Variants in FHAD1 observed in about 807,000 individuals in gnomAD.
FHAD1 encodes forkhead associated phosphopeptide binding domain 1, also known as forkhead-associated domain-containing protein 1.
FHAD1 carries 146 observed loss-of-function variants against 191.3 expected under a neutral mutation model. The observed-to-expected ratio is 0.76, with a 90% confidence interval of 0.67 to 0.88. The LOEUF is 0.88. Ranked by LOEUF, FHAD1 falls within the 40% of genes least tolerant of loss-of-function variation. The pLI, the probability that FHAD1 is intolerant of heterozygous loss-of-function variation, is 0.00. For missense variants in FHAD1, 1,635 were observed against 1,785.8 expected (o/e 0.92, Z 1.52); for synonymous variants, 616 against 672.3 (o/e 0.92, Z 1.29).
chr1:15,345,349 G>C, intron 17 of FHAD1, 67 bp from the exon 18 acceptor site: 1 of 1,431,688 alleles, frequency 7.0e-7, no homozygotes, highest in Non-Finnish European at 9.6e-7. Flanking sequence ...AAACCTGTGC[G>C]GTGCCTGGCA....
At position 15,345,431 on chromosome 1, in the gene FHAD1, A is replaced by G. The variant is rs759989741; in HGVS notation, c.2254A>G (p.Ile752Val). ...GTTGACTCAGGCTTTGGCGAAAAGC[A>G]TTACCCAGGAGAAGAACAGAGTGAA... is the stretch of plus-strand genomic sequence containing the variant. The part of the protein sequence containing the change: ...AQQKKALAKS[I>V]TQEKNRVKEA... Residue 752 changes from isoleucine (I) to valine (V), a missense_variant, in exon 18 of 34, where the codon ATT (isoleucine) becomes GTT (valine). Transcript: ENST00000688493. 4 of 1,552,372 alleles carry G rather than the reference A, an allele frequency of 2.6e-6. No homozygotes were observed. Among genetic ancestry groups the G allele is most frequent in the African/African-American group, 2.7e-5 (2 of 73,178 alleles).
At chr1:15,314,291 T>A (rs942224720) in intron 8 of FHAD1, among the ~76,000 whole-genome samples, 1 of 152,120 alleles carries the variant, frequency 6.6e-6, no homozygotes, top group African/African-American at 2.4e-5. Context: ...GGTCCAAGGA[T>A]GAAGCAGCAG....
chr1:15,247,009 T>TCTC (rs145211252), upstream of FHAD1, among the ~76,000 whole-genome samples: 1,109 of 152,236 alleles, frequency 7.3e-3, 14 homozygotes, highest in African/African-American at 0.026. Flanking sequence ...TTGAATCAAA[T>TCTC]CTCCTCCCTG....
chr1:15,362,123 G>A (rs115493659), intron 22 of FHAD1, among the ~76,000 whole-genome samples: 114 of 152,298 alleles, frequency 7.5e-4, no homozygotes, highest in African/African-American at 2.5e-3. Flanking sequence ...TGTCACCCCC[G>A]TACTTAGACC....
At position 15,322,552 on chromosome 1, in the gene FHAD1, C is replaced by T. The variant is rs116736180; in HGVS notation, c.1366-1900C>T. On this transcript the variant is annotated intron_variant, in intron 10 of 33. Coordinates refer to ENST00000688493, the MANE Select transcript of FHAD1 (RefSeq NM_001391957.1). Reference sequence around the variant, plus strand: ...GTTACTGTGGCATAGCCACTAGCCACGTGTGGCCATTTAGGTGAAATTAAA... The same window carrying T: ...GTTACTGTGGCATAGCCACTAGCCATGTGTGGCCATTTAGGTGAAATTAAA... Among the ~76,000 whole-genome samples the T allele has an allele frequency of 7.5e-3, 1,136 of 152,304 alleles. 17 individuals carry two copies. Among genetic ancestry groups the T allele is most frequent in the African/African-American group, 0.026 (1,088 of 41,548 alleles).
chr1:15,314,778 G>A lies in FHAD1; in HGVS notation c.1170+1591G>A, dbSNP rs1160979837. On this transcript the variant is annotated intron_variant, in intron 8 of 33. Transcript: ENST00000688493. ...GTGTGGGGGTGTATGGGTGTGTGGG[G>A]GTATGGATGTGTGGTGTGGGGGTGA... Among the ~76,000 whole-genome samples, 3 of 113,340 alleles carry A rather than the reference G, an allele frequency of 2.6e-5. No individual in the cohort carries two copies. The Admixed American group carries it at 2.8e-4, about 11-fold the overall frequency. The allele number at this position is 113,340 out of a possible 152,430, so 74.4% of individuals were successfully genotyped here. A position where few individuals can be genotyped will look rare whatever the true frequency, so the allele number is the denominator to read the frequency against.
chr1:15,274,842 CCA>C (rs1657633250), intron 3 of FHAD1, among the ~76,000 whole-genome samples: 1 of 152,178 alleles, frequency 6.6e-6, no homozygotes, highest in African/African-American at 2.4e-5. Flanking sequence ...TTGCCCAGGA[CCA>C]CACAGCTAGT....
intron 31 of FHAD1, among the ~76,000 whole-genome samples, chr1:15,384,809 C>T (rs1390141049): frequency 6.6e-6 from 1 of 152,206 alleles, no homozygotes; most frequent in South Asian, 2.1e-4. Context: ...GTCAGATGCA[C>T]CCCACAGGGC....
At chr1:15,378,077 G>T (rs947949191) in intron 28 of FHAD1, among the ~76,000 whole-genome samples, 3 of 152,166 alleles carry the variant, frequency 2.0e-5, no homozygotes, top group African/African-American at 7.2e-5. Context: ...GCCGAGGCAG[G>T]CAGATCACTT....
chr1:15,246,883 A>G (rs1223662541), upstream of FHAD1, among the ~76,000 whole-genome samples: 1 of 152,000 alleles, frequency 6.6e-6, no homozygotes, highest in African/African-American at 2.4e-5. Flanking sequence ...GGCAGGGGGC[A>G]TACTAACCTC....
rs985303650 is a variant in FHAD1, at chr1:15,353,039, G to C, written c.2562+55G>C. ...GGGGCCCAGCACAGCGAAGGGCAGT[G>C]CTCTAGAGCCAGGCTCTGGGTTCAA... is the stretch of plus-strand genomic sequence containing the variant. On this transcript the variant is annotated intron_variant, in intron 20 of 33. Coordinates refer to ENST00000688493, the MANE Select transcript of FHAD1 (RefSeq NM_001391957.1). The C allele has an allele frequency of 1.6e-5, 21 of 1,325,136 alleles. No homozygotes were observed. The Middle Eastern group carries it at 6.5e-4, about 41-fold the overall frequency. 82.1% of individuals were successfully genotyped at this position (1,325,136 alleles called of 1,614,324 possible). A position where few individuals can be genotyped will look rare whatever the true frequency, so the allele number is the denominator to read the frequency against.
In FHAD1 at chr1:15,325,882, C is replaced by T. The variant is rs528497995; in HGVS notation, c.1474-1177C>T. The T allele has an allele frequency of 2.0e-4, 31 of 152,868 alleles. No homozygotes were observed. Among genetic ancestry groups the T allele is most frequent in the African/African-American group, 6.0e-4 (25 of 41,598 alleles). The allele number at this position is 152,868 out of a possible 1,614,324, so 9.5% of individuals were successfully genotyped here. A position where few individuals can be genotyped will look rare whatever the true frequency, so the allele number is the denominator to read the frequency against. ...TGTCCAATAGTCTGCCCTTCCCCAG[C>T]CAAGTGACCCCAGGCCCGAGGCCAT... On this transcript the variant is annotated intron_variant, in intron 11 of 33. Transcript: ENST00000688493. The surrounding 1 kb of genome is among the most constrained non-coding windows in gnomAD (Gnocchi z 4.6).
At chr1:15,305,665 C>T in intron 6 of FHAD1, 1 of 309,864 alleles carries the variant, frequency 3.2e-6, no homozygotes, top group Non-Finnish European at 6.5e-6. Context: ...ATTTCCTGTG[C>T]TGTTCTCGTT....
intron 2 of FHAD1, among the ~76,000 whole-genome samples, chr1:15,258,636 G>A (rs921352398): frequency 6.6e-6 from 1 of 150,424 alleles, no homozygotes; most frequent in Non-Finnish European, 1.5e-5. Flanking sequence ...CCAGGCTGGA[G>A]TGCAGTGGCA....
At chr1:15,401,982 T>C (rs1002073833), downstream of FHAD1, among the ~76,000 whole-genome samples, 3 of 152,240 alleles carry the variant, frequency 2.0e-5, no homozygotes, top group African/African-American at 7.2e-5. Flanking sequence ...AATGCCTCCG[T>C]CCAGTTGGGG....
chr1:15,350,808 G>T (rs1690596464), intron 19 of FHAD1, among the ~76,000 whole-genome samples: 1 of 152,196 alleles, frequency 6.6e-6, no homozygotes, highest in African/African-American at 2.4e-5. Context: ...GGCACAGCAG[G>T]GTGGGGGCTG....
chr1:15,236,648 T>C (rs1392415287), exon 1 of FHAD1, among the ~76,000 whole-genome samples: 3 of 152,236 alleles, frequency 2.0e-5, no homozygotes, highest in Admixed American at 2.0e-4. Flanking sequence ...CTGGGACCAT[T>C]ATACAGAGAT....
chr1:15,262,385 A>G (rs1651497771), intron 2 of FHAD1, among the ~76,000 whole-genome samples: 1 of 152,186 alleles, frequency 6.6e-6, no homozygotes, highest in African/African-American at 2.4e-5. Flanking sequence ...CTGTTTACAG[A>G]TGAGGAAACT....
intron 3 of FHAD1, among the ~76,000 whole-genome samples, chr1:15,278,183 A>G (rs1202040737): frequency 6.6e-6 from 1 of 152,018 alleles, no homozygotes; most frequent in African/African-American, 2.4e-5. Flanking sequence ...TTCTGCTCCA[A>G]TGGCAGAGTT....
Sources: allele counts gnomAD v4.1 joint callset (sites outside exome capture counted in the v4.1 genomes callset), GRCh38; gene constraint gnomAD v4.1.1; non-coding constraint Gnocchi (gnomAD v3.1); transcripts MANE v1.5; gene names NCBI Gene and HGNC (gene_info 2026-07-23, HGNC 2026-07-21).